Variants in HPD observed in about 807,000 individuals in gnomAD.
HPD encodes 4-hydroxyphenylpyruvate dioxygenase.
HPD carries 35 observed loss-of-function variants against 56.9 expected under a neutral mutation model. The ratio of observed to expected loss-of-function variants is 0.62; its 90% CI spans 0.47 to 0.82. HPD has a LOEUF of 0.82. Ranked by LOEUF, HPD falls within the 40% of genes least tolerant of loss-of-function variation. The pLI, the probability that HPD is intolerant of heterozygous loss-of-function variation, is 0.00. For missense variants in HPD, 442 were observed against 506.8 expected (o/e 0.87, Z 1.23); for synonymous variants, 186 against 200.2 (o/e 0.93, Z 0.60).
intron 9 of HPD, among the ~76,000 whole-genome samples, chr12:121,848,648 GCT>G (rs1877662513): frequency 6.6e-6 from 1 of 151,496 alleles, no homozygotes; most frequent in Admixed American, 6.6e-5. Flanking sequence ...ACAAAATCTT[GCT>G]CTGTTTCCCA....
chr12:121,886,609 C>T, the HPD span, among the ~76,000 whole-genome samples: 11 of 152,180 alleles, frequency 7.2e-5, no homozygotes, highest in African/African-American at 2.6e-4. Context: ...TCACTTTCTT[C>T]GGACCACTTG....
chr12:121,885,742 T>C, the HPD span, among the ~76,000 whole-genome samples: 2 of 151,232 alleles, frequency 1.3e-5, no homozygotes, highest in Non-Finnish European at 2.9e-5. Flanking sequence ...GCGGGTGGAT[T>C]GCCTGAGGTC....
the HPD span, among the ~76,000 whole-genome samples, chr12:121,884,210 G>C: frequency 7.4e-6 from 1 of 135,622 alleles, no homozygotes; most frequent in Non-Finnish European, 1.5e-5. Flanking sequence ...TCGCTCTGTC[G>C]CCCAGGCTGG....
At chr12:121,854,564 A>G (rs1266989289) in intron 7 of HPD, 139 bp downstream of exon 7, 36 of 751,796 alleles carry the variant, frequency 4.8e-5, no homozygotes, top group South Asian at 4.6e-4. Flanking sequence ...TGGCCAGGCA[A>G]TACGGGGGAC....
chr12:121,882,291 C>G, the HPD span, among the ~76,000 whole-genome samples: 1 of 152,020 alleles, frequency 6.6e-6, no homozygotes, highest in East Asian at 1.9e-4. Flanking sequence ...TGAATTCTGA[C>G]CAACCAGGTC....
At chr12:121,842,792 G>A (rs983459171) in intron 12 of HPD, among the ~76,000 whole-genome samples, 3 of 134,880 alleles carry the variant, frequency 2.2e-5, no homozygotes, top group African/African-American at 8.6e-5. Context: ...GTGTCGCCCA[G>A]GCTGGAATGT....
chr12:121,875,899 T>C, the HPD span, among the ~76,000 whole-genome samples: 1 of 152,014 alleles, frequency 6.6e-6, no homozygotes, highest in South Asian at 2.1e-4. Flanking sequence ...GTCTGGAGGA[T>C]CATTTCAGTC....
chr12:121,863,432 C>T (rs1878237965), upstream of HPD: 1 of 152,262 alleles, frequency 6.6e-6, no homozygotes, highest in Non-Finnish European at 1.5e-5. Context: ...TGTTTCACTG[C>T]AGTTGATCGT....
intron 7 of HPD, among the ~76,000 whole-genome samples, chr12:121,852,745 C>T (rs568822708): frequency 6.6e-6 from 1 of 150,466 alleles, no homozygotes; most frequent in South Asian, 2.1e-4. Context: ...AGCGATTCTC[C>T]CACCTCAGCC....
intron 6 of HPD, 61 bp downstream of exon 6, chr12:121,856,263 G>C (rs968323367): frequency 6.0e-6 from 8 of 1,322,422 alleles, no homozygotes; most frequent in Admixed American, 5.0e-5. Context: ...AGCCCTGACT[G>C]ATGGGGTCCC....
chr12:121,878,436 C>A, the HPD span, among the ~76,000 whole-genome samples: 1 of 152,266 alleles, frequency 6.6e-6, no homozygotes, highest in Non-Finnish European at 1.5e-5. Flanking sequence ...GCAACCTCTA[C>A]CTCCTGGGTT....
chr12:121,843,934 C>T, intron 11 of HPD, 102 bp from the exon 12 acceptor site: 2 of 1,341,094 alleles, frequency 1.5e-6, no homozygotes, highest in African/African-American at 1.4e-5. Flanking sequence ...CCTATCCTAG[C>T]TCCCCTCAAC....
upstream of HPD, among the ~76,000 whole-genome samples, chr12:121,860,354 A>C (rs970672397): frequency 6.6e-6 from 1 of 152,134 alleles, no homozygotes; most frequent in African/African-American, 2.4e-5. Context: ...GCCCTGGCTT[A>C]TATGCTAAGC....
chr12:121,840,127 C>T (rs566519001), intron 12 of HPD, 79 bp from the exon 13 acceptor site: 3 of 936,092 alleles, frequency 3.2e-6, no homozygotes, highest in African/African-American at 1.6e-5. Context: ...GCTCCTGCAC[C>T]CCAAAAGTCT....
At chr12:121,885,637 A>T in the HPD span, among the ~76,000 whole-genome samples, 1 of 151,758 alleles carries the variant, frequency 6.6e-6, no homozygotes, top group Non-Finnish European at 1.5e-5. Context: ...TTCAGATATC[A>T]AGGGTGGGAG....
At chr12:121,870,599 T>G in the HPD span, among the ~76,000 whole-genome samples, 15 of 150,590 alleles carry the variant, frequency 1.0e-4, no homozygotes, top group Non-Finnish European at 1.8e-4. Context: ...TTGAAGGTTT[T>G]TTTTTTTTTT....
the HPD span, among the ~76,000 whole-genome samples, chr12:121,871,446 A>G: frequency 1.3e-5 from 2 of 152,244 alleles, no homozygotes; most frequent in East Asian, 3.9e-4. Flanking sequence ...GAGACTCCCA[A>G]ACAGGCAGAA....
chr12:121,857,356 A>C lies in HPD; in HGVS notation c.170T>G (p.Val57Gly), dbSNP rs902736795. ...YRGLETGSRE[V>G]VSHVIKQGKI... ...CCCTTGTTTGATTACATGGCTGACC[A>C]CCTCCCGGGAACCGGTCTCCAGGCC... is the stretch of plus-strand genomic sequence containing the variant. Residue 57 changes from valine to glycine, a missense_variant, in exon 4 of 14, where the codon GTG becomes GGG. Physicochemically the swap from Val to Gly is moderately radical, Grantham distance 109. Transcript: ENST00000289004. 4 of 1,613,636 alleles carry C rather than the reference A, an allele frequency of 2.5e-6. No homozygotes were observed. The highest frequency in any genetic ancestry group is 2.5e-6 in the Non-Finnish European group (3 of 1,179,808).
chr12:121,858,837 C>A lies in HPD; in HGVS notation c.-14G>T. ...GGCACTTACCATGATTGATCTTAGT[C>A]AAACCTCCTACTGGGACTAGAGGCC... On this transcript the variant is annotated 5_prime_UTR_variant, in exon 1 of 14. Transcript: ENST00000289004. 2 of 1,614,122 alleles carry A rather than the reference C, an allele frequency of 1.2e-6. No homozygotes were observed. The highest frequency in any genetic ancestry group is 2.2e-5 in the South Asian group (2 of 91,044).
Sources: gnomAD v4.1 joint callset for allele counts (sites outside exome capture counted in the v4.1 genomes callset) on GRCh38, gnomAD v4.1.1 for gene constraint, MANE v1.5 for transcripts, NCBI Gene and HGNC (gene_info 2026-07-23, HGNC 2026-07-21) for gene names.